The following ZNF248 variants were observed in gnomAD, a reference collection of about 807,000 sequenced individuals.
ZNF248 encodes the protein zinc finger protein 248, also known as KRAB protein domain.
A neutral mutation model predicts 44.3 loss-of-function variants in ZNF248; 20 were observed. The observed-to-expected ratio is 0.45, with a 90% CI of 0.32 to 0.66. ZNF248 has a LOEUF of 0.66. Among genes scored for constraint, ZNF248 ranks in the 30% least tolerant of loss-of-function variants. The pLI is 0.04. For synonymous variants in ZNF248, 224 were observed against 229.0 expected, an observed-to-expected ratio of 0.98 and a Z score of 0.20; for missense variants, 654 against 677.0, an observed-to-expected ratio of 0.97 and a Z score of 0.38.
chr10:37,828,717 A>G (rs922118668), downstream of ZNF248: 60 of 985,396 alleles, frequency 6.1e-5, no homozygotes, highest in African/African-American at 1.0e-3. Context: ...AGTACATAAT[A>G]AAAATGTATC....
In ZNF248 at chr10:37,829,704, C is replaced by T. The variant is rs141145666; in HGVS notation, c.*1911G>A. The T allele has an allele frequency of 2.6e-5, 26 of 985,334 alleles. No individual in the cohort carries two copies. In the East Asian group the frequency reaches 1.1e-3, roughly 43 times the overall value. The allele number at this position is 985,334 out of a possible 1,614,324, so 61.0% of individuals were successfully genotyped here. ...GGCTACTGCCCTTCAGAGATAAAAA[C>T]GATAAGCCAATACCATGTTACAGAC... On this transcript the variant is annotated 3_prime_UTR_variant, in exon 6 of 6. Transcript: ENST00000395867.
intron 6 of ZNF248, among the ~76,000 whole-genome samples, chr10:37,785,107 G>A (rs536085532): frequency 6.6e-6 from 1 of 152,274 alleles, no homozygotes; most frequent in South Asian, 2.1e-4. Context: ...CAGCAGGAAA[G>A]GGTTTCATAG....
chr10:37,770,494 C>T, the ZNF248 span, among the ~76,000 whole-genome samples: 82 of 152,252 alleles, frequency 5.4e-4, no homozygotes, highest in Non-Finnish European at 1.9e-4. Flanking sequence ...TGATCTTTGA[C>T]AAACCTGAGA....
chr10:37,823,333 C>CAAAAAAA (rs60957023), intron 6 of ZNF248, among the ~76,000 whole-genome samples: 5 of 17,538 alleles, frequency 2.9e-4, no homozygotes, highest in Non-Finnish European at 3.9e-4. Context: ...ACTCCGTCTC[C>CAAAAAAA]AAAAAAAAAA....
At position 37,837,610 on chromosome 10, in the gene ZNF248, A is replaced by G; in HGVS notation, c.238+7T>C. The G allele has an allele frequency of 1.9e-6, 3 of 1,611,828 alleles. No homozygotes were observed. The highest frequency in any genetic ancestry group is 2.5e-6 in the Non-Finnish European group (3 of 1,178,798). On this transcript the variant is annotated splice_region_variant and intron_variant, in intron 5 of 5. Transcript: ENST00000395867. Reference sequence around the variant, plus strand: ...TGGCTTTCATCTGCCAGAAATCACTAACTCACCTGGGTGGCACTGGCTTGG... The same window carrying G: ...TGGCTTTCATCTGCCAGAAATCACTGACTCACCTGGGTGGCACTGGCTTGG...
At chr10:37,776,521 G>T (rs2046597562), downstream of ZNF248, 1 of 398,256 alleles carries the variant, frequency 2.5e-6, no homozygotes, top group Non-Finnish European at 4.4e-6. Flanking sequence ...TGTTCCTAGG[G>T]CGCCTTCTTC....
intron 3 of ZNF248, among the ~76,000 whole-genome samples, chr10:37,847,598 A>C (rs1234898249): frequency 6.6e-6 from 1 of 152,202 alleles, no homozygotes; most frequent in Non-Finnish European, 1.5e-5. Flanking sequence ...AGGAGAGATA[A>C]AGCAAATAAG....
At chr10:37,850,663 T>C (rs2060069991) in intron 3 of ZNF248, among the ~76,000 whole-genome samples, 2 of 152,176 alleles carry the variant, frequency 1.3e-5, no homozygotes, top group African/African-American at 4.8e-5. Context: ...AAGTGATTTC[T>C]GACAAAGGTA....
chr10:37,801,469 T>C (rs949692907), intron 6 of ZNF248, among the ~76,000 whole-genome samples: 1 of 152,008 alleles, frequency 6.6e-6, no homozygotes, highest in African/African-American at 2.4e-5. Flanking sequence ...ATAAAAATAT[T>C]CTCATAAAGC....
chr10:37,758,735 T>C, the ZNF248 span, among the ~76,000 whole-genome samples: 1 of 152,218 alleles, frequency 6.6e-6, no homozygotes, highest in Non-Finnish European at 1.5e-5. Context: ...AAAGTACAAA[T>C]ATATAATCAT....
chr10:37,842,769 G>C (rs2058574436), intron 3 of ZNF248, among the ~76,000 whole-genome samples: 1 of 152,148 alleles, frequency 6.6e-6, no homozygotes, highest in African/African-American at 2.4e-5. Flanking sequence ...TACCACTTAA[G>C]GCCTGAGAAG....
intron 6 of ZNF248, among the ~76,000 whole-genome samples, chr10:37,813,408 A>G (rs2051880675): frequency 6.6e-6 from 1 of 152,144 alleles, no homozygotes; most frequent in Admixed American, 6.5e-5. Flanking sequence ...GGAAAGTTAT[A>G]CCACGTGTGT....
chr10:37,829,244 T>G lies in ZNF248; in HGVS notation c.*2371A>C. On this transcript the variant is annotated 3_prime_UTR_variant, in exon 6 of 6. Coordinates refer to ENST00000395867, the MANE Select transcript of ZNF248 (RefSeq NM_021045.3). ...AGTTCTTACTGGGCTCTGGTAACAC[T>G]GTTTCCCTCCTTGCCCTTCAAGGCT... The G allele has an allele frequency of 2.0e-6, 2 of 985,484 alleles. No individual in the cohort carries two copies. The highest frequency in any genetic ancestry group is 2.4e-6 in the Non-Finnish European group (2 of 829,958). 61.0% of individuals were successfully genotyped at this position (985,484 alleles called of 1,614,324 possible). A position where few individuals can be genotyped will look rare whatever the true frequency, so the allele number is the denominator to read the frequency against.
chr10:37,803,390 C>T (rs1007737205), intron 6 of ZNF248: 10 of 152,260 alleles, frequency 6.6e-5, no homozygotes, highest in Non-Finnish European at 8.8e-5. Flanking sequence ...TGGGCAGTGA[C>T]GTGTCCTCTC....
At chr10:37,774,452 T>C (rs535354989), downstream of ZNF248, among the ~76,000 whole-genome samples, 1 of 152,194 alleles carries the variant, frequency 6.6e-6, no homozygotes, top group Non-Finnish European at 1.5e-5. Context: ...TCCTTTGATA[T>C]GGTTAAAAAT....
intron 6 of ZNF248, among the ~76,000 whole-genome samples, chr10:37,787,453 G>A (rs1021976987): frequency 1.3e-4 from 20 of 152,010 alleles, no homozygotes; most frequent in Non-Finnish European, 2.9e-4. Context: ...TGTGTCACTG[G>A]TCAACTGATC....
chr10:37,829,093 GTGCCCACC>G lies in ZNF248; in HGVS notation c.*2514_*2521del, dbSNP rs2054920951. The G allele has an allele frequency of 1.0e-6, 1 of 985,312 alleles. No homozygotes were observed. The highest frequency in any genetic ancestry group is 1.7e-5 in the African/African-American group (1 of 57,222). The allele number at this position is 985,312 out of a possible 1,614,324, so 61.0% of individuals were successfully genotyped here. The stretch of plus-strand genomic sequence containing the variant: ...CCAGATTCTCTCTCCACCCTTCTCT[GTGCCCACC>G]TGGGCTCTCCAGCAGATGTATCTGG... On this transcript the variant is annotated 3_prime_UTR_variant, in exon 6 of 6. Coordinates refer to ENST00000395867, the MANE Select transcript of ZNF248 (RefSeq NM_021045.3).
At chr10:37,795,889 T>C (rs2049096598) in intron 6 of ZNF248, 1 of 152,236 alleles carries the variant, frequency 6.6e-6, no homozygotes, top group South Asian at 2.1e-4. Context: ...TTATTTTGTT[T>C]TTTATTAATA....
chr10:37,779,058 G>T (rs1462233313), intron 6 of ZNF248, among the ~76,000 whole-genome samples: 2 of 152,144 alleles, frequency 1.3e-5, no homozygotes, highest in Non-Finnish European at 2.9e-5. Flanking sequence ...GGACCAGATG[G>T]ATTCACAGCC....
Sources: gnomAD v4.1 joint callset for allele counts (sites outside exome capture counted in the v4.1 genomes callset) on GRCh38, gnomAD v4.1.1 for gene constraint, MANE v1.5 for transcripts, NCBI Gene and HGNC (gene_info 2026-07-23, HGNC 2026-07-21) for gene names.